ABTB3: variants seen among roughly 807,000 people sequenced by gnomAD.
ABTB3 encodes the protein ankyrin repeat and BTB domain containing 3, also known as ankyrin repeat- and BTB/POZ domain-containing protein 3.
chr12:107,651,529 A>T, the ABTB3 span: 4 of 514,686 alleles, frequency 7.8e-6, no homozygotes, highest in South Asian at 2.0e-5. Flanking sequence ...CTCTAGTGTT[A>T]CCTTTGTGCA....
the ABTB3 span, among the ~76,000 whole-genome samples, chr12:107,505,521 T>C: frequency 6.6e-6 from 1 of 152,060 alleles, no homozygotes; most frequent in Admixed American, 6.5e-5. Flanking sequence ...CTCGATTGGT[T>C]AGTTACTTGG....
At chr12:107,629,103 T>C in the ABTB3 span, among the ~76,000 whole-genome samples, 1 of 152,316 alleles carries the variant, frequency 6.6e-6, no homozygotes, top group Non-Finnish European at 1.5e-5. Context: ...CAAGAGAGTT[T>C]CCTGGTAACT....
chr12:107,391,972 C>G, the ABTB3 span, among the ~76,000 whole-genome samples: 1 of 152,210 alleles, frequency 6.6e-6, no homozygotes, highest in Non-Finnish European at 1.5e-5. Context: ...CTTCTAACTT[C>G]AGATCTGGGT....
At chr12:107,376,817 C>T in the ABTB3 span, among the ~76,000 whole-genome samples, 1 of 152,168 alleles carries the variant, frequency 6.6e-6, no homozygotes, top group Non-Finnish European at 1.5e-5. Flanking sequence ...TTCAACCCTA[C>T]AACCCTCGCG....
At chr12:107,419,066 C>G in the ABTB3 span, among the ~76,000 whole-genome samples, 1 of 152,220 alleles carries the variant, frequency 6.6e-6, no homozygotes, top group African/African-American at 2.4e-5. Context: ...CTCTTGGAGA[C>G]AGACTTGAGG....
chr12:107,483,281 G>A, the ABTB3 span, among the ~76,000 whole-genome samples: 2 of 152,110 alleles, frequency 1.3e-5, no homozygotes, highest in African/African-American at 2.4e-5. Flanking sequence ...GGACTCAAGC[G>A]ATCTGCTTGC....
At chr12:107,508,118 A>G in the ABTB3 span, among the ~76,000 whole-genome samples, 1 of 150,516 alleles carries the variant, frequency 6.6e-6, no homozygotes, top group East Asian at 2.0e-4. Flanking sequence ...ATGGAAGAGT[A>G]GATGTATAGA....
chr12:107,409,514 A>G, the ABTB3 span, among the ~76,000 whole-genome samples: 1 of 152,262 alleles, frequency 6.6e-6, no homozygotes, highest in African/African-American at 2.4e-5. Flanking sequence ...ACCATGGAAT[A>G]CTATGCAACC....
the ABTB3 span, among the ~76,000 whole-genome samples, chr12:107,422,265 TGAGCGAG>T: frequency 6.6e-6 from 1 of 151,818 alleles, no homozygotes; most frequent in Non-Finnish European, 1.5e-5. Context: ...CAGGGCTGAG[TGAGCGAG>T]GACAAGAGTG....
the ABTB3 span, among the ~76,000 whole-genome samples, chr12:107,558,543 G>A: frequency 6.6e-6 from 1 of 152,174 alleles, no homozygotes; most frequent in Non-Finnish European, 1.5e-5. Context: ...CAGGGTTAGG[G>A]TTGAAGGTTT....
At chr12:107,610,719 G>A in the ABTB3 span, among the ~76,000 whole-genome samples, 5 of 152,224 alleles carry the variant, frequency 3.3e-5, no homozygotes, top group Middle Eastern at 3.4e-3. Context: ...TTGTCTGTCT[G>A]TTCCTGCACA....
At chr12:107,635,875 CA>C in the ABTB3 span, among the ~76,000 whole-genome samples, 34 of 126,618 alleles carry the variant, frequency 2.7e-4, no homozygotes, top group African/African-American at 1.0e-3. Flanking sequence ...CCCACCCACA[CA>C]CACACACACA....
the ABTB3 span, among the ~76,000 whole-genome samples, chr12:107,393,057 T>A: frequency 6.6e-6 from 1 of 152,112 alleles, no homozygotes; most frequent in Non-Finnish European, 1.5e-5. Context: ...AGGCCACACC[T>A]GGTGCAGGGC....
At chr12:107,521,266 TGTG>T in the ABTB3 span, among the ~76,000 whole-genome samples, 1 of 51,004 alleles carries the variant, frequency 2.0e-5, no homozygotes, top group African/African-American at 1.1e-4. Flanking sequence ...ATATAAGTTG[TGTG>T]TGTGTGTGTG....
At chr12:107,332,227 G>A in the ABTB3 span, among the ~76,000 whole-genome samples, 1 of 152,184 alleles carries the variant, frequency 6.6e-6, no homozygotes, top group Admixed American at 6.5e-5. Flanking sequence ...GATCACACCA[G>A]GTTCTGGTGT....
the ABTB3 span, among the ~76,000 whole-genome samples, chr12:107,345,117 G>GA: frequency 1.3e-5 from 2 of 152,306 alleles, no homozygotes; most frequent in African/African-American, 4.8e-5. Flanking sequence ...TACCTGGAAG[G>GA]AGAGCCCCTT....
At chr12:107,355,477 C>G in the ABTB3 span, among the ~76,000 whole-genome samples, 1 of 152,228 alleles carries the variant, frequency 6.6e-6, no homozygotes, top group Non-Finnish European at 1.5e-5. Context: ...AAGTCATTTT[C>G]TTGTTCCCTT....
chr12:107,428,017 T>C, the ABTB3 span, among the ~76,000 whole-genome samples: 1 of 152,262 alleles, frequency 6.6e-6, no homozygotes, highest in African/African-American at 2.4e-5. Context: ...TGTTTCCACC[T>C]CATCTCCTCA....
the ABTB3 span, among the ~76,000 whole-genome samples, chr12:107,346,703 C>T: frequency 6.6e-6 from 1 of 152,154 alleles, no homozygotes; most frequent in East Asian, 1.9e-4. Context: ...TTGTGATCTG[C>T]CCGCCTCAGC....
Sources: gnomAD v4.1 joint callset for allele counts (sites outside exome capture counted in the v4.1 genomes callset) on GRCh38, gnomAD v4.1.1 for gene constraint, MANE v1.5 for transcripts, NCBI Gene and HGNC (gene_info 2026-07-23, HGNC 2026-07-21) for gene names.